Variants in DLGAP2 observed in about 807,000 individuals in gnomAD.
DLGAP2 encodes disks large-associated protein 2.
DLGAP2 carries 26 observed loss-of-function variants against 100.3 expected under a neutral mutation model. The observed-to-expected ratio is 0.26, with a 90% CI of 0.19 to 0.36. The LOEUF (loss-of-function observed/expected upper bound fraction) is 0.36. DLGAP2 is among the 10% of genes least tolerant of loss of function. The pLI is 1.00. For missense variants in DLGAP2, 1,858 were observed against 1,453.2 expected, an observed-to-expected ratio of 1.28 and a Z score of -4.53; for synonymous variants, 886 against 630.1, an observed-to-expected ratio of 1.41 and a Z score of -6.08.
intron 2 of DLGAP2, among the ~76,000 whole-genome samples, chr8:1,052,843 G>A (rs769826769): frequency 6.6e-6 from 1 of 152,138 alleles, no homozygotes. Context: ...ATGACAACCT[G>A]TAAGGAGGAT....
intron 7 of DLGAP2, among the ~76,000 whole-genome samples, chr8:1,632,424 G>A (rs376357222): frequency 2.6e-5 from 4 of 152,296 alleles, no homozygotes; most frequent in African/African-American, 7.2e-5. Context: ...TGGAGCCATC[G>A]TGCCATTAGT....
intron 2 of DLGAP2, among the ~76,000 whole-genome samples, chr8:1,119,633 T>A (rs1319396675): frequency 6.6e-6 from 1 of 152,260 alleles, no homozygotes; most frequent in Non-Finnish European, 1.5e-5. Context: ...TGTTTCCTCA[T>A]GTGAACAGCT....
chr8:1,306,489 T>A (rs6987688), intron 3 of DLGAP2, among the ~76,000 whole-genome samples: 1 of 151,946 alleles, frequency 6.6e-6, no homozygotes, highest in African/African-American at 2.4e-5. Context: ...GGCTTACTGT[T>A]GTTAAGATGT....
At chr8:1,175,046 CA>C (rs551240553) in intron 2 of DLGAP2, among the ~76,000 whole-genome samples, 216 of 152,256 alleles carry the variant, frequency 1.4e-3, no homozygotes, top group African/African-American at 5.1e-3. Context: ...GGATGGAACT[CA>C]AAACTAAATT....
chr8:802,602 C>A (rs1009312361), intron 1 of DLGAP2, among the ~76,000 whole-genome samples: 6 of 152,170 alleles, frequency 3.9e-5, no homozygotes, highest in Non-Finnish European at 7.3e-5. Context: ...GGGACCCAGC[C>A]ACCCTCAGAA....
chr8:1,091,902 C>G (rs1240905211), intron 2 of DLGAP2, among the ~76,000 whole-genome samples: 6 of 152,126 alleles, frequency 3.9e-5, no homozygotes, highest in African/African-American at 1.4e-4. Context: ...TAACGCACAG[C>G]TCCCCACATC....
intron 1 of DLGAP2, among the ~76,000 whole-genome samples, chr8:802,154 CT>C (rs1324123343): frequency 3.4e-3 from 515 of 149,652 alleles, no homozygotes; most frequent in East Asian, 4.8e-3. Context: ...ATGGTCCGCA[CT>C]CCTCCTGGGT....
At chr8:1,230,702 C>T (rs1798518032) in intron 2 of DLGAP2, among the ~76,000 whole-genome samples, 2 of 152,082 alleles carry the variant, frequency 1.3e-5, no homozygotes, top group African/African-American at 4.8e-5. Context: ...GAAATGAACC[C>T]ATACAGCTAA....
chr8:1,247,191 G>GCCGGCAAGAC lies in DLGAP2; in HGVS notation c.74-11659_74-11658insCGGCAAGACC, dbSNP rs1487259846. 4 of 89,334 alleles carry GCCGGCAAGAC rather than the reference G, an allele frequency of 4.5e-5. 1 individual carries two copies. Among genetic ancestry groups the GCCGGCAAGAC allele is most frequent in the African/African-American group, 1.7e-4 (4 of 24,086 alleles). The allele number at this position is 89,334 out of a possible 1,614,324, so 5.5% of individuals were successfully genotyped here. The stretch of plus-strand genomic sequence containing the variant: ...GTGGGAGTGATGGCCCACGTCGGTG[G>GCCGGCAAGAC]CTGGGAAGACCTTTGAGATCAGTGT... On this transcript the variant is annotated intron_variant, in intron 2 of 14. Transcript: ENST00000637795.
At chr8:1,049,367 G>C (rs960373237) in intron 2 of DLGAP2, among the ~76,000 whole-genome samples, 1 of 152,078 alleles carries the variant, frequency 6.6e-6, no homozygotes, top group African/African-American at 2.4e-5. Context: ...CCCGTGACTT[G>C]CTCAGAGGCT....
At chr8:1,155,424 G>A (rs1461055034) in intron 2 of DLGAP2, among the ~76,000 whole-genome samples, 2 of 152,200 alleles carry the variant, frequency 1.3e-5, no homozygotes, top group African/African-American at 4.8e-5. Context: ...TGGGATCGCG[G>A]CGGGCGCACC....
intron 2 of DLGAP2, among the ~76,000 whole-genome samples, chr8:1,175,950 C>A (rs578170818): frequency 1.3e-5 from 2 of 152,168 alleles, no homozygotes; most frequent in Non-Finnish European, 2.9e-5. Flanking sequence ...GAGGACAAAG[C>A]GATTCGCAGA....
At chr8:1,332,127 G>A (rs926703918) in intron 3 of DLGAP2, among the ~76,000 whole-genome samples, 1 of 152,230 alleles carries the variant, frequency 6.6e-6, no homozygotes, top group Non-Finnish European at 1.5e-5. Flanking sequence ...TGCAGTCAAT[G>A]TGTCCTGGTG....
intron 3 of DLGAP2, among the ~76,000 whole-genome samples, chr8:1,481,479 T>C (rs1253565446): frequency 9.6e-5 from 12 of 124,626 alleles, no homozygotes; most frequent in African/African-American, 4.0e-4. Context: ...TTCTTTTTTT[T>C]TTTTTTTTTT....
intron 2 of DLGAP2, among the ~76,000 whole-genome samples, chr8:986,682 C>CA (rs1256088717): frequency 4.3e-5 from 6 of 138,792 alleles, no homozygotes; most frequent in Non-Finnish European, 7.7e-5. Flanking sequence ...TTTTTTGAGA[C>CA]AGAGTCTCAC....
chr8:1,147,740 C>T (rs531491031), intron 2 of DLGAP2, among the ~76,000 whole-genome samples: 2 of 152,092 alleles, frequency 1.3e-5, no homozygotes, highest in South Asian at 2.1e-4. Flanking sequence ...CCAGGCTGAA[C>T]TTGAACTCCA....
At chr8:1,239,552 G>A (rs62487804) in intron 2 of DLGAP2, among the ~76,000 whole-genome samples, 66,630 of 81,180 alleles carry the variant, frequency 0.82, 27,667 homozygotes, top group Middle Eastern at 0.91. Flanking sequence ...CTCACATGGC[G>A]CCGTGTCTGG....
chr8:1,305,238 G>A (rs534729980), intron 3 of DLGAP2, among the ~76,000 whole-genome samples: 2 of 152,330 alleles, frequency 1.3e-5, no homozygotes, highest in South Asian at 4.1e-4. Context: ...CTCAATGTTA[G>A]GGAGTTGTGA....
At chr8:1,654,481 G>A (rs1426505084) in intron 8 of DLGAP2, among the ~76,000 whole-genome samples, 4 of 151,832 alleles carry the variant, frequency 2.6e-5, no homozygotes, top group African/African-American at 9.7e-5. Flanking sequence ...GGCCAACATG[G>A]TGAAACCCCA....
Sources: allele counts gnomAD v4.1 joint callset (sites outside exome capture counted in the v4.1 genomes callset), GRCh38; gene constraint gnomAD v4.1.1; transcripts MANE v1.5; gene names NCBI Gene and HGNC (gene_info 2026-07-23, HGNC 2026-07-21).